ZNF146: variants seen among roughly 807,000 people sequenced by gnomAD.
The protein encoded by ZNF146 is zinc finger protein OZF.
In ZNF146, 9 loss-of-function variants were observed where a neutral mutation model predicts 22.2. That is an observed-to-expected ratio of 0.41 (90% CI 0.24 to 0.71). ZNF146 has a LOEUF of 0.71. Ranked by LOEUF, ZNF146 falls within the 30% of genes least tolerant of loss-of-function variation. ZNF146 has a pLI of 0.34. For synonymous variants in ZNF146, 108 were observed against 119.2 expected (o/e 0.91, Z 0.61); for missense variants, 194 against 344.8 (o/e 0.56, Z 3.46).
intron 2 of ZNF146, among the ~76,000 whole-genome samples, chr19:36,225,142 A>T (rs1209904899): frequency 1.3e-5 from 2 of 152,142 alleles, no homozygotes; most frequent in African/African-American, 4.8e-5. Context: ...TCAGATACAG[A>T]TTATGATTAT....
At chr19:36,217,149 GC>G (rs527556677) in intron 1 of ZNF146, among the ~76,000 whole-genome samples, 25 of 129,180 alleles carry the variant, frequency 1.9e-4, no homozygotes, top group Admixed American at 1.8e-3. Flanking sequence ...TGCAACCTCT[GC>G]CCCCCAGGTT....
At chr19:36,222,451 A>G (rs573788474) in intron 2 of ZNF146, among the ~76,000 whole-genome samples, 1 of 152,194 alleles carries the variant, frequency 6.6e-6, no homozygotes, top group African/African-American at 2.4e-5. Flanking sequence ...GACTGCTATT[A>G]ATACAAATGG....
At chr19:36,233,857 T>C (rs892523162) in intron 3 of ZNF146, among the ~76,000 whole-genome samples, 20 of 152,302 alleles carry the variant, frequency 1.3e-4, no homozygotes, top group Non-Finnish European at 2.4e-4. Flanking sequence ...CTTCCTCTTA[T>C]CTCAACTGCA....
At chr19:36,231,930 C>T (rs10416742) in intron 3 of ZNF146, among the ~76,000 whole-genome samples, 39,018 of 151,180 alleles carry the variant, frequency 0.26, 5,411 homozygotes, top group African/African-American at 0.37. Flanking sequence ...AGGCCAGACT[C>T]GGTGGTTCAC....
At chr19:36,215,417 G>GGT (rs372761164) in intron 1 of ZNF146, among the ~76,000 whole-genome samples, 18 of 152,210 alleles carry the variant, frequency 1.2e-4, no homozygotes, top group African/African-American at 4.1e-4. Context: ...TGTGAAACTG[G>GGT]GTGCGGGATT....
chr19:36,226,187 G>A (rs1977058762), intron 2 of ZNF146, among the ~76,000 whole-genome samples: 1 of 152,098 alleles, frequency 6.6e-6, no homozygotes, highest in South Asian at 2.1e-4. Context: ...CTGCCTAATC[G>A]ATCTCTCTGC....
chr19:36,225,627 A>G (rs1421135103), intron 2 of ZNF146, among the ~76,000 whole-genome samples: 1 of 137,976 alleles, frequency 7.2e-6, no homozygotes, highest in Non-Finnish European at 1.6e-5. Context: ...GTTTTTTTGT[A>G]TTTTTTTTTA....
intron 2 of ZNF146, among the ~76,000 whole-genome samples, chr19:36,219,696 C>G (rs761615223): frequency 6.6e-6 from 1 of 151,958 alleles, no homozygotes; most frequent in East Asian, 1.9e-4. Flanking sequence ...GTTTTAAAAC[C>G]AATACATAAT....
chr19:36,233,905 GACCCTTT>G (rs1488864788), intron 3 of ZNF146, among the ~76,000 whole-genome samples: 1 of 152,134 alleles, frequency 6.6e-6, no homozygotes, highest in Non-Finnish European at 1.5e-5. Context: ...CCTCAGCACA[GACCCTTT>G]ACGGGTGTCG....
At chr19:36,224,970 T>C (rs772609100) in intron 2 of ZNF146, among the ~76,000 whole-genome samples, 5 of 140,364 alleles carry the variant, frequency 3.6e-5, no homozygotes, top group Non-Finnish European at 7.7e-5. Flanking sequence ...TATTATTCCC[T>C]GCTTTCCTTA....
At chr19:36,233,955 C>T (rs148911872) in intron 3 of ZNF146, among the ~76,000 whole-genome samples, 5 of 149,314 alleles carry the variant, frequency 3.3e-5, no homozygotes, top group Admixed American at 3.3e-4. Flanking sequence ...TCCCTTCCCG[C>T]GGGGCCATAT....
In ZNF146 at chr19:36,226,361, T is replaced by C. The variant is rs73931516; in HGVS notation, c.-854-2387T>C. 5.2e-3 allele frequency among the ~76,000 whole-genome samples: 794 copies of C among 152,288 alleles called. 7 individuals carry two copies. The highest frequency in any genetic ancestry group is 0.018 in the African/African-American group (760 of 41,558). On this transcript the variant is annotated intron_variant, in intron 2 of 3. Transcript: ENST00000443387. ...TATCTCTGACACACCCCATTAGGAATTGGGTGATCAAGCTTTTTCAACATA... is the reference window on the plus strand; with the variant it reads ...TATCTCTGACACACCCCATTAGGAACTGGGTGATCAAGCTTTTTCAACATA...
chr19:36,217,996 G>A (rs1231809483), intron 1 of ZNF146, 126 bp from the exon 2 acceptor site: 1 of 151,980 alleles, frequency 6.6e-6, no homozygotes, highest in African/African-American at 2.4e-5. Flanking sequence ...GTAGAGACGG[G>A]GTTTCACCAT....
Position 36,223,740 on chromosome 19 carries a change from C to A in ZNF146, c.-854-5008C>A, listed in dbSNP as rs1255225229. ...ATATTTTCAAATTCTTATAAAGTTA[C>A]AGTTTTTTGTTGTTTGATTGTTTTA... On this transcript the variant is annotated intron_variant, in intron 2 of 3. Coordinates refer to ENST00000443387, the MANE Select transcript of ZNF146 (RefSeq NM_007145.3). Among the ~76,000 whole-genome samples, 3 of 152,036 alleles carry A rather than the reference C, an allele frequency of 2.0e-5. No individual in the cohort carries two copies. The East Asian group carries it at 5.8e-4, about 29-fold the overall frequency.
At chr19:36,235,391 A>G (rs1345751132) in intron 3 of ZNF146, among the ~76,000 whole-genome samples, 2 of 152,136 alleles carry the variant, frequency 1.3e-5, no homozygotes, top group East Asian at 3.8e-4. Context: ...GGACCCATGA[A>G]TGTTAATTTT....
intron 2 of ZNF146, chr19:36,228,439 C>T (rs1057359898): frequency 1.3e-5 from 2 of 152,234 alleles, no homozygotes; most frequent in Non-Finnish European, 2.9e-5. Flanking sequence ...GTGTGAACAG[C>T]TCTCCTGTGT....
chr19:36,222,022 T>G (rs1204811557), intron 2 of ZNF146, among the ~76,000 whole-genome samples: 1 of 149,474 alleles, frequency 6.7e-6, no homozygotes, highest in Non-Finnish European at 1.5e-5. Context: ...CTCCAACTGC[T>G]GGGCTGAAGT....
intron 2 of ZNF146, among the ~76,000 whole-genome samples, chr19:36,227,877 A>G (rs539918877): frequency 6.6e-6 from 1 of 152,326 alleles, no homozygotes; most frequent in South Asian, 2.1e-4. Flanking sequence ...AATATGAAAT[A>G]GGACACGGCA....
chr19:36,218,910 G>T (rs1025174119), intron 2 of ZNF146, among the ~76,000 whole-genome samples: 1 of 151,530 alleles, frequency 6.6e-6, no homozygotes, highest in African/African-American at 2.4e-5. Flanking sequence ...CCAGGTTCAC[G>T]CCATTCTCCA....
Sources: gnomAD v4.1 joint callset for allele counts (sites outside exome capture counted in the v4.1 genomes callset) on GRCh38, gnomAD v4.1.1 for gene constraint, MANE v1.5 for transcripts, NCBI Gene and HGNC (gene_info 2026-07-23, HGNC 2026-07-21) for gene names.